The following MUC6 variants were observed in gnomAD, a reference collection of about 807,000 sequenced individuals.
The protein encoded by MUC6 is mucin-6.
A neutral mutation model predicts 201.5 loss-of-function variants in MUC6; 188 were observed. That is an observed-to-expected ratio of 0.93 (90% CI 0.83 to 1.05). The LOEUF (loss-of-function observed/expected upper bound fraction) is 1.05. Ranked by LOEUF, MUC6 falls within the 50% of genes least tolerant of loss-of-function variation. MUC6 has a pLI of 0.00. For missense variants in MUC6, 2,706 were observed against 3,256.9 expected, an observed-to-expected ratio of 0.83 and a Z score of 4.12; for synonymous variants, 1,228 against 1,389.4, an observed-to-expected ratio of 0.88 and a Z score of 2.58.
Position 1,013,170 on chromosome 11 carries a change from G to T in MUC6, c.*286C>A. ...CAGGGGCTGGGAGGTGTTGGACGGT[G>T]GGCAGGGGTGGTCGGGAGTGCCCTG... On this transcript the variant is annotated 3_prime_UTR_variant, in exon 33 of 33. Coordinates refer to ENST00000421673, the MANE Select transcript of MUC6 (RefSeq NM_005961.3). 1 of 495,062 alleles carries T rather than the reference G, an allele frequency of 2.0e-6. No homozygotes were observed. Among genetic ancestry groups the T allele is most frequent in the Admixed American group, 3.8e-5 (1 of 26,356 alleles). The allele number at this position is 495,062 out of a possible 1,614,324, so 30.7% of individuals were successfully genotyped here. A position where few individuals can be genotyped will look rare whatever the true frequency, so the allele number is the denominator to read the frequency against.
rs746096468 is a variant in MUC6 at position 1,017,326 on chromosome 11, G to A, written c.5475C>T (p.Thr1825=). 1.9e-5 allele frequency: 30 copies of A among 1,613,816 alleles called. No individual in the cohort carries two copies. In the African/African-American group the frequency reaches 2.0e-4, roughly 11 times the overall value. The change falls in exon 31 of 33, where the codon ACC becomes ACT. Residue 1825 remains threonine (T), a synonymous_variant. Coordinates refer to ENST00000421673, the MANE Select transcript of MUC6 (RefSeq NM_005961.3). The part of the protein sequence containing the change: ...VTATSFQTTT[T]YPTPSHPHTT... The stretch of plus-strand genomic sequence containing the variant: ...TGTGAGGGTGTGATGGGGTTGGATA[G>A]GTAGTGGTGGTCTGGAAGGATGTTG...
intron 7 of MUC6, 31 bp from the exon 8 acceptor site, chr11:1,030,366 T>TCCCCCCCCCCCCCCCCCCCCCCCCCCCCC: frequency 1.3e-6 from 2 of 1,489,590 alleles, no homozygotes; most frequent in East Asian, 2.5e-5. Context: ...GGTGAGAGGG[T>TCCCCCCCCCCCCCCCCCCCCCCCCCCCCC]CCCACCCCCC....
Position 1,027,723 on chromosome 11 carries a change from A to C in MUC6, c.1943T>G (p.Val648Gly), listed in dbSNP as rs774431951. 1.2e-6 allele frequency: 2 copies of C among 1,606,452 alleles called. No homozygotes were observed. The highest frequency in any genetic ancestry group is 4.5e-5 in the East Asian group (2 of 44,618). The part of the protein sequence containing the change: ...DYVHACSLRG[V>G]LLWGWRSSVD... ...ACTGCTTCTCCAGCCCCAGAGCAGG[A>C]CGCCCCGCAAGGAGCAGGCGTGTAC... The change falls in exon 16 of 33, where the codon GTC becomes GGC. Residue 648 changes from valine (V) to glycine (G), a missense_variant. Coordinates refer to ENST00000421673, the MANE Select transcript of MUC6 (RefSeq NM_005961.3).
At chr11:1,035,024 C>T (rs1044279199) in intron 1 of MUC6, among the ~76,000 whole-genome samples, 6 of 152,236 alleles carry the variant, frequency 3.9e-5, no homozygotes, top group Non-Finnish European at 7.3e-5. Flanking sequence ...CCGCCACCCC[C>T]GGCCTCTCAG....
At position 1,029,376 on chromosome 11, in the gene MUC6, G is replaced by C. The variant is rs1192682196; in HGVS notation, c.1137-10C>G. ...GCCCAGGGTGCACCGGCTGTGGGTG[G>C]GCGTGGGGGTAGCGGCATGGTGGGC... On this transcript the variant is annotated splice_polypyrimidine_tract_variant and intron_variant, in intron 9 of 32. Transcript: ENST00000421673. 3.1e-6 allele frequency: 5 copies of C among 1,594,680 alleles called. No homozygotes were observed. The South Asian group carries it at 5.6e-5, about 18-fold the overall frequency.
Position 1,033,103 on chromosome 11 carries a change from T to G in MUC6, c.53-28A>C. On this transcript the variant is annotated intron_variant, in intron 1 of 32. Transcript: ENST00000421673. The surrounding 1 kb of genome is among the most constrained non-coding windows in gnomAD (Gnocchi z 5.6). ...GTGTGGACGGGACCCGCAGTCGGTG[T>G]GGGGCTACCCCGTCGTCCCTGAGGG... The G allele has an allele frequency of 6.2e-7, 1 of 1,611,692 alleles. No homozygotes were observed. Among genetic ancestry groups the G allele is most frequent in the South Asian group, 1.1e-5 (1 of 91,032 alleles).
At chr11:1,022,816 T>G (rs1856847146) in intron 26 of MUC6, among the ~76,000 whole-genome samples, 1 of 152,172 alleles carries the variant, frequency 6.6e-6, no homozygotes, top group African/African-American at 2.4e-5. Flanking sequence ...CGAATGTGCA[T>G]GAATGAATAA....
Position 1,033,691 on chromosome 11 carries a change from C to T in MUC6, c.53-616G>A, listed in dbSNP as rs1169172344. ...CCAGGGCAGGGCAGCGGGGGACGTC[C>T]CACCCTGACTCCCAGAGGCTGGGGT... On this transcript the variant is annotated intron_variant, in intron 1 of 32. Transcript: ENST00000421673. This position sits in a 1 kb window ranked among gnomAD's most constrained non-coding sequence, Gnocchi z 5.6. 2.0e-5 allele frequency among the ~76,000 whole-genome samples: 3 copies of T among 152,044 alleles called. No homozygotes were observed. The highest frequency in any genetic ancestry group is 2.9e-5 in the Non-Finnish European group (2 of 67,954).
At chr11:1,023,043 G>GC in intron 26 of MUC6, among the ~76,000 whole-genome samples, 1 of 148,288 alleles carries the variant, frequency 6.7e-6, no homozygotes, top group Non-Finnish European at 1.5e-5. Flanking sequence ...GAGTGAATGT[G>GC]CGTGAATGAA....
Position 1,025,893 on chromosome 11 carries a change from G to A in MUC6, c.2711C>T (p.Ser904Leu). 1 of 1,612,028 alleles carries A rather than the reference G, an allele frequency of 6.2e-7. No homozygotes were observed. The highest frequency in any genetic ancestry group is 8.5e-7 in the Non-Finnish European group (1 of 1,179,408). ...LATDVCGVND[S>L]QPTFKILTEN... Reference sequence around the variant, plus strand: ...TGTCAGGATCTTGAAGGTGGGCTGTGAGTCGTTGACACCACAGACGTCCTG... The same window carrying A: ...TGTCAGGATCTTGAAGGTGGGCTGTAAGTCGTTGACACCACAGACGTCCTG... The change falls in exon 22 of 33, where the codon TCA becomes TTA. Residue 904 changes from serine (S) to leucine (L), a missense_variant. Physicochemically the swap from Ser to Leu is moderately radical, Grantham distance 145. Around this residue, in one of 10 missense-constraint regions of MUC6, gnomAD observed 1,850 missense variants for 1,958.3 expected, o/e 0.94. Coordinates refer to ENST00000421673, the MANE Select transcript of MUC6 (RefSeq NM_005961.3).
rs368746638 is a variant in MUC6, at chr11:1,030,694, G to T, written c.771C>A (p.Asp257Glu). ...GGCCTGGCTGGGGGGCTGCGGCCAC[G>T]TCCGCCTGGCAGCTTAGCACGAAGG... ...KEPFVLSCQADVAAAPQPGPQ... is the reference protein window; with the variant it reads ...KEPFVLSCQAEVAAAPQPGPQ... Residue 257 changes from aspartate to glutamate, a missense_variant, in exon 7 of 33, where the codon GAC becomes GAA. By Grantham distance (45) the Asp-to-Glu change is conservative (BLOSUM62 2). Coordinates refer to ENST00000421673, the MANE Select transcript of MUC6 (RefSeq NM_005961.3). The T allele has an allele frequency of 4.5e-6, 7 of 1,548,618 alleles. No homozygotes were observed. The highest frequency in any genetic ancestry group is 6.1e-6 in the Non-Finnish European group (7 of 1,148,750).
chr11:1,034,835 C>T (rs535567847), intron 1 of MUC6, among the ~76,000 whole-genome samples: 5 of 152,124 alleles, frequency 3.3e-5, no homozygotes, highest in Admixed American at 6.5e-5. Context: ...GCACCCCCTG[C>T]GCCCCCCGCC....
At position 1,014,200 on chromosome 11, in the gene MUC6, T is replaced by C. The variant is rs112567327; in HGVS notation, c.7040-199A>G. On this transcript the variant is annotated intron_variant, in intron 31 of 32. Transcript: ENST00000421673. The stretch of plus-strand genomic sequence containing the variant: ...GGCCAGCCGCATCCTAGTTTGTTTT[T>C]TCCCCTCAAAGTCGCTCTGCTGGAG... 5.3e-5 allele frequency among the ~76,000 whole-genome samples: 8 copies of C among 152,366 alleles called. 1 individual carries two copies. The highest frequency in any genetic ancestry group is 1.9e-4 in the African/African-American group (8 of 41,588).
intron 30 of MUC6, among the ~76,000 whole-genome samples, chr11:1,019,064 C>T (rs1179975268): frequency 6.6e-6 from 1 of 152,198 alleles, no homozygotes; most frequent in Admixed American, 6.5e-5. Flanking sequence ...GTGGTGGCCC[C>T]CACCCTCCTG....
rs1217686756 is a variant in MUC6 at position 1,031,664 on chromosome 11, C to T, written c.426G>A (p.Val142=). Reference sequence around the variant, plus strand: ...CCAGCTCCAGCTCCAGCTGCTTGGCCACCAGCCGCACGCTCTGGCCGAAGG... The same window carrying T: ...CCAGCTCCAGCTCCAGCTGCTTGGCTACCAGCCGCACGCTCTGGCCGAAGG... ...ITPFGQSVRL[V]AKQLELELEV... is the part of the protein sequence containing the mutation. The change falls in exon 4 of 33, where the codon GTG becomes GTA. Residue 142 remains valine (V), a synonymous_variant. Coordinates refer to ENST00000421673, the MANE Select transcript of MUC6 (RefSeq NM_005961.3). 1.3e-6 allele frequency: 2 copies of T among 1,550,658 alleles called. No homozygotes were observed. The highest frequency in any genetic ancestry group is 1.7e-6 in the Non-Finnish European group (2 of 1,147,044).
chr11:1,015,546 G>C (rs1002663050), intron 31 of MUC6, among the ~76,000 whole-genome samples: 1 of 152,180 alleles, frequency 6.6e-6, no homozygotes, highest in Non-Finnish European at 1.5e-5. Flanking sequence ...AAGGCCCAAC[G>C]GGGAGGCCAG....
At chr11:1,031,096 C>T in intron 5 of MUC6, 40 bp from the exon 6 acceptor site, 1 of 1,537,022 alleles carries the variant, frequency 6.5e-7, no homozygotes. Flanking sequence ...GGGGGCTGGG[C>T]CTCAGAGGCC....
intron 7 of MUC6, 31 bp from the exon 8 acceptor site, chr11:1,030,366 T>TGCCACCCCCCCCCCCCCC: frequency 6.7e-7 from 1 of 1,489,590 alleles, no homozygotes. Context: ...GGTGAGAGGG[T>TGCCACCCCCCCCCCCCCC]CCCACCCCCC....
chr11:1,019,075 C>T lies in MUC6; in HGVS notation c.4030+200G>A, dbSNP rs551933825. 2.0e-4 allele frequency among the ~76,000 whole-genome samples: 31 copies of T among 152,352 alleles called. No individual in the cohort carries two copies. The East Asian group carries it at 5.8e-3, about 28-fold the overall frequency. On this transcript the variant is annotated intron_variant, in intron 30 of 32. Transcript: ENST00000421673. Reference sequence around the variant, plus strand: ...CGTGGTGGTGGCCCCCACCCTCCTGCACCTCTGCTCCCCAGGCCTGCCTTT... The same window carrying T: ...CGTGGTGGTGGCCCCCACCCTCCTGTACCTCTGCTCCCCAGGCCTGCCTTT...
Sources: gnomAD v4.1 joint callset for allele counts (sites outside exome capture counted in the v4.1 genomes callset) on GRCh38, gnomAD v4.1.1 for gene constraint, gnomAD v4.1.1 regional missense constraint, Gnocchi (gnomAD v3.1) non-coding constraint, MANE v1.5 for transcripts, NCBI Gene and HGNC (gene_info 2026-07-23, HGNC 2026-07-21) for gene names.